The following MRPS11 variants were observed in gnomAD, a reference collection of about 807,000 sequenced individuals.
MRPS11 encodes mitochondrial ribosomal protein S11, also known as small ribosomal subunit protein uS11m.
MRPS11 carries 27 observed loss-of-function variants against 24.3 expected under a neutral mutation model. The observed-to-expected ratio is 1.11, with a 90% CI of 0.82 to 1.53. The LOEUF is 1.53. MRPS11 is among the 40% of genes most tolerant of loss of function. The probability of loss-of-function intolerance (pLI) is 0.00; values close to 1 mark genes in which losing one functional copy is unlikely to be tolerated. For missense variants in MRPS11, 277 were observed against 256.5 expected (o/e 1.08, Z -0.55); for synonymous variants, 104 against 98.7 (o/e 1.05, Z -0.32).
chr15:88,468,250 T>C (rs761576545), intron 2 of MRPS11: 42 of 1,373,982 alleles, frequency 3.1e-5, no homozygotes, highest in Non-Finnish European at 4.0e-5. Context: ...TCAGTGAACA[T>C]TCGTTAAATC....
rs572255253 is a variant in MRPS11, at chr15:88,473,517, T to C, written c.281+792T>C. Among the ~76,000 whole-genome samples, 35 of 152,314 alleles carry C rather than the reference T, an allele frequency of 2.3e-4. No homozygotes were observed. The South Asian group carries it at 7.0e-3, about 31-fold the overall frequency. ...TCAGATAAATGTAAAGTGACAGCAATTGGATTTCTTTTTCTTCCCCTCAGA... is the reference window on the plus strand; with the variant it reads ...TCAGATAAATGTAAAGTGACAGCAACTGGATTTCTTTTTCTTCCCCTCAGA... On this transcript the variant is annotated intron_variant, in intron 3 of 5. Coordinates refer to ENST00000325844, the MANE Select transcript of MRPS11 (RefSeq NM_022839.5).
Position 88,478,081 on chromosome 15 carries a change from AT to A in MRPS11, c.*103del. The stretch of plus-strand genomic sequence containing the variant: ...GCTCTCCAGAATATGCTTGTTGGAG[AT>A]CCTTCAGGCAGTAAGGGAGAGTTTT... On this transcript the variant is annotated 3_prime_UTR_variant, in exon 6 of 6. Coordinates refer to ENST00000325844, the MANE Select transcript of MRPS11 (RefSeq NM_022839.5). This position sits in a 1 kb window ranked among gnomAD's most constrained non-coding sequence, Gnocchi z 4.7. The A allele has an allele frequency of 1.1e-6, 1 of 945,782 alleles. No individual in the cohort carries two copies. Among genetic ancestry groups the A allele is most frequent in the South Asian group, 1.4e-5 (1 of 72,182 alleles). 58.6% of individuals were successfully genotyped at this position (945,782 alleles called of 1,614,324 possible). A position where few individuals can be genotyped will look rare whatever the true frequency, so the allele number is the denominator to read the frequency against.
Position 88,467,879 on chromosome 15 carries a change from C to T in MRPS11, c.66-29C>T, listed in dbSNP as rs750910651. 1.9e-6 allele frequency: 3 copies of T among 1,613,450 alleles called. No homozygotes were observed. In the Admixed American group the frequency reaches 5.0e-5, roughly 27 times the overall value. On this transcript the variant is annotated intron_variant, in intron 1 of 5. Transcript: ENST00000325844. ...ACCCGGGCCCCAGTGACCGTTAGGCCGTGGCCCTCACCGAGCTTTTCTTCC... is the reference window on the plus strand; with the variant it reads ...ACCCGGGCCCCAGTGACCGTTAGGCTGTGGCCCTCACCGAGCTTTTCTTCC...
chr15:88,472,503 G>T (rs2055733248), intron 2 of MRPS11, 124 bp from the exon 3 acceptor site: 1 of 711,782 alleles, frequency 1.4e-6, no homozygotes, highest in Admixed American at 2.5e-5. Context: ...AAAAGGAATG[G>T]TGGGGGCAGC....
Position 88,475,264 on chromosome 15 carries a change from C to T in MRPS11, c.411+25C>T. 6.2e-7 allele frequency: 1 copy of T among 1,613,688 alleles called. No individual in the cohort carries two copies. The highest frequency in any genetic ancestry group is 1.1e-5 in the South Asian group (1 of 91,054). The stretch of plus-strand genomic sequence containing the variant: ...GGTAAGTGTGTGTTCCTTCTGCTTC[C>T]TTCTAGTGTGTGTTTGCTTTCTGCA... On this transcript the variant is annotated intron_variant, in intron 4 of 5. Transcript: ENST00000325844. This position sits in a 1 kb window ranked among gnomAD's most constrained non-coding sequence, Gnocchi z 4.1.
chr15:88,478,322 A>G lies in MRPS11; in HGVS notation c.*343A>G, dbSNP rs544157271. On this transcript the variant is annotated 3_prime_UTR_variant, in exon 6 of 6. Coordinates refer to ENST00000325844, the MANE Select transcript of MRPS11 (RefSeq NM_022839.5). This position sits in a 1 kb window ranked among gnomAD's most constrained non-coding sequence, Gnocchi z 4.7. ...TAATTCCTAATTCCTCTTGAAAAAG[A>G]GAGTGTGAAATGAGGTGAGGCCTCA... 11 of 276,612 alleles carry G rather than the reference A, an allele frequency of 4.0e-5. No homozygotes were observed. The highest frequency in any genetic ancestry group is 2.0e-4 in the African/African-American group (9 of 46,128). The allele number at this position is 276,612 out of a possible 1,614,324, so 17.1% of individuals were successfully genotyped here.
Position 88,479,912 on chromosome 15 carries a change from G to A in MRPS11, c.*1933G>A, listed in dbSNP as rs1344363396. On this transcript the variant is annotated 3_prime_UTR_variant, in exon 6 of 6. Coordinates refer to ENST00000325844, the MANE Select transcript of MRPS11 (RefSeq NM_022839.5). The stretch of plus-strand genomic sequence containing the variant: ...GGACTACAAAGCAGCTGCCACCCTA[G>A]GCTAGAAGAGGCAGGGAAGAACAGT... 2.6e-5 allele frequency: 4 copies of A among 152,378 alleles called. No homozygotes were observed. Among genetic ancestry groups the A allele is most frequent in the African/African-American group, 9.6e-5 (4 of 41,578 alleles). The allele number at this position is 152,378 out of a possible 1,614,324, so 9.4% of individuals were successfully genotyped here.
At chr15:88,473,084 T>A (rs2055749599) in intron 3 of MRPS11, among the ~76,000 whole-genome samples, 1 of 152,266 alleles carries the variant, frequency 6.6e-6, no homozygotes, top group South Asian at 2.1e-4. Flanking sequence ...GATATATAAA[T>A]TAAAAGATAT....
Position 88,472,677 on chromosome 15 carries a change from A to G in MRPS11, c.233A>G (p.Lys78Arg), listed in dbSNP as rs2055739759. The G allele has an allele frequency of 1.9e-6, 3 of 1,614,060 alleles. No individual in the cohort carries two copies. Among genetic ancestry groups the G allele is most frequent in the Non-Finnish European group, 2.5e-6 (3 of 1,180,018 alleles). The change falls in exon 3 of 6, where the codon AAG becomes AGG. Residue 78 changes from lysine to arginine, a missense_variant. Transcript: ENST00000325844. ...GAGAGCTCTCTGAGGTGGGCAGGAAAGAAATTTGAGGAGATCCCAATTGCA... is the reference window on the plus strand; with the variant it reads ...GAGAGCTCTCTGAGGTGGGCAGGAAGGAAATTTGAGGAGATCCCAATTGCA... ...GEESSLRWAG[K>R]KFEEIPIAHI...
At chr15:88,474,480 ACCC>A (rs2055779110) in intron 3 of MRPS11, among the ~76,000 whole-genome samples, 1 of 150,168 alleles carries the variant, frequency 6.7e-6, no homozygotes, top group Non-Finnish European at 1.5e-5. Flanking sequence ...AATCACTTGA[ACCC>A]GGGAGGCGGA....
chr15:88,468,200 G>C, intron 2 of MRPS11, 176 bp downstream of exon 2: 1 of 1,438,974 alleles, frequency 6.9e-7, no homozygotes, highest in East Asian at 2.5e-5. Flanking sequence ...TGCTGAGAGA[G>C]GTTGTGAGAA....
In MRPS11 at chr15:88,477,026, T is replaced by C. The variant is rs2055836796; in HGVS notation, c.449T>C (p.Val150Ala). The change falls in exon 5 of 6, where the codon GTG (valine) becomes GCG (alanine). Residue 150 changes from valine (V) to alanine (A), a missense_variant. Physicochemically the swap from Val to Ala is moderately conservative, Grantham distance 64. Coordinates refer to ENST00000325844, the MANE Select transcript of MRPS11 (RefSeq NM_022839.5). The surrounding 1 kb of genome is among the most constrained non-coding windows in gnomAD (Gnocchi z 5.7). ...AAGGGCGTGATCCACATCCGAGTTG[T>C]GGTGAAAGGCCTGGGGCCAGGACGC... ...KQKGVIHIRV[V>A]VKGLGPGRLS... The C allele has an allele frequency of 1.2e-6, 2 of 1,613,972 alleles. No individual in the cohort carries two copies. Among genetic ancestry groups the C allele is most frequent in the Non-Finnish European group, 1.7e-6 (2 of 1,180,014 alleles).
intron 1 of MRPS11, 22 bp from the exon 2 acceptor site, chr15:88,467,886 C>T (rs2055580976): frequency 2.5e-6 from 4 of 1,613,558 alleles, no homozygotes; most frequent in African/African-American, 1.3e-5. Flanking sequence ...GGCCGTGGCC[C>T]TCACCGAGCT....
chr15:88,477,808 C>CT lies in MRPS11; in HGVS notation c.478-63dup. ...CACCCTGTCCCTCTCCGAACCCTGC[C>CT]TGGAGACACTGGATCATCATTTCTG... On this transcript the variant is annotated intron_variant, in intron 5 of 5. Transcript: ENST00000325844. The surrounding 1 kb of genome is among the most constrained non-coding windows in gnomAD (Gnocchi z 5.7). 1 of 1,463,464 alleles carries CT rather than the reference C, an allele frequency of 6.8e-7. No individual in the cohort carries two copies. Among genetic ancestry groups the CT allele is most frequent in the East Asian group, 2.3e-5 (1 of 43,222 alleles). 90.7% of individuals were successfully genotyped at this position (1,463,464 alleles called of 1,614,324 possible).
rs61583953 is a variant in MRPS11 at position 88,472,507 on chromosome 15, G to A, written c.183-120G>A. 3.4e-4 allele frequency: 248 copies of A among 730,796 alleles called. No individual in the cohort carries two copies. In the African/African-American group the frequency reaches 3.7e-3, roughly 11 times the overall value. 45.3% of individuals were successfully genotyped at this position (730,796 alleles called of 1,614,324 possible). A position where few individuals can be genotyped will look rare whatever the true frequency, so the allele number is the denominator to read the frequency against. ...CAGAAGGACTGAAAAGGAATGGTGG[G>A]GGCAGCCACTTAAGAAGCAGCAGGG... is the stretch of plus-strand genomic sequence containing the variant. On this transcript the variant is annotated intron_variant, in intron 2 of 5. Transcript: ENST00000325844.
At chr15:88,471,855 C>T (rs1004582085) in intron 2 of MRPS11, among the ~76,000 whole-genome samples, 3 of 152,120 alleles carry the variant, frequency 2.0e-5, no homozygotes, top group Non-Finnish European at 4.4e-5. Flanking sequence ...ATTTCCATAC[C>T]CCATCCAGAA....
intron 2 of MRPS11, chr15:88,468,291 T>C: frequency 5.6e-6 from 7 of 1,257,288 alleles, no homozygotes; most frequent in Non-Finnish European, 7.1e-6. Flanking sequence ...CCATAACATG[T>C]ATCAGCGTTC....
rs368210844 is a variant in MRPS11, at chr15:88,472,755, C to T, written c.281+30C>T. ...GTGGGAAGGGAAACACTGGGCAGGT[C>T]TAGCGTGAGATTCTTTCCACTTCAC... On this transcript the variant is annotated intron_variant, in intron 3 of 5. Transcript: ENST00000325844. 120 of 1,553,666 alleles carry T rather than the reference C, an allele frequency of 7.7e-5. No homozygotes were observed. The Middle Eastern group carries it at 8.4e-4, about 11-fold the overall frequency.
Position 88,475,372 on chromosome 15 carries a change from T to G in MRPS11, c.411+133T>G. 1 of 1,293,248 alleles carries G rather than the reference T, an allele frequency of 7.7e-7. No individual in the cohort carries two copies. Among genetic ancestry groups the G allele is most frequent in the Non-Finnish European group, 1.1e-6 (1 of 944,642 alleles). 80.1% of individuals were successfully genotyped at this position (1,293,248 alleles called of 1,614,324 possible). A position where few individuals can be genotyped will look rare whatever the true frequency, so the allele number is the denominator to read the frequency against. ...GTCATGGCAGCTTTGATGCCCTGAT[T>G]GGAGCATTGGTTTGAAAAGGTTTAG... is the stretch of plus-strand genomic sequence containing the variant. On this transcript the variant is annotated intron_variant, in intron 4 of 5. Coordinates refer to ENST00000325844, the MANE Select transcript of MRPS11 (RefSeq NM_022839.5). The surrounding 1 kb of genome is among the most constrained non-coding windows in gnomAD (Gnocchi z 4.1).
Sources: gnomAD v4.1 joint callset for allele counts (sites outside exome capture counted in the v4.1 genomes callset) on GRCh38, gnomAD v4.1.1 for gene constraint, Gnocchi (gnomAD v3.1) non-coding constraint, MANE v1.5 for transcripts, NCBI Gene and HGNC (gene_info 2026-07-23, HGNC 2026-07-21) for gene names.